ATP2C1: variants seen among roughly 807,000 people sequenced by gnomAD.
The protein encoded by ATP2C1 is ATPase secretory pathway Ca2+ transporting 1, also known as calcium-transporting ATPase type 2C member 1.
Under a neutral mutation model 120.5 loss-of-function variants are expected in ATP2C1, and 31 were observed. That is an observed-to-expected ratio of 0.26 (90% CI 0.19 to 0.35). The LOEUF (loss-of-function observed/expected upper bound fraction) is 0.35. Among genes scored for constraint, ATP2C1 ranks in the 10% least tolerant of loss-of-function variants. The pLI, the probability that ATP2C1 is intolerant of heterozygous loss-of-function variation, is 1.00. For synonymous variants in ATP2C1, 351 were observed against 358.7 expected, an observed-to-expected ratio of 0.98 and a Z score of 0.24; for missense variants, 731 against 1,107.5, an observed-to-expected ratio of 0.66 and a Z score of 4.83.
rs2062482708 is a variant in ATP2C1, at chr3:130,994,069, C to T, written c.2028C>T (p.Ile676=). 1 of 1,614,070 alleles carries T rather than the reference C, an allele frequency of 6.2e-7. No homozygotes were observed. Among genetic ancestry groups the T allele is most frequent in the Middle Eastern group, 1.7e-4 (1 of 6,058 alleles). The change falls in exon 22 of 28, where the codon ATC becomes ATT. Residue 676 remains isoleucine (I), a synonymous_variant. Transcript: ENST00000510168. ...TDVCKEAADM[I]LVDDDFQTIM... ...TTTGCAAAGAGGCAGCAGACATGAT[C>T]CTAGTGGATGATGATTTTCAAACCA...
chr3:130,971,279 C>T (rs2061304489), intron 17 of ATP2C1, among the ~76,000 whole-genome samples: 1 of 152,100 alleles, frequency 6.6e-6, no homozygotes, highest in Non-Finnish European at 1.5e-5. Context: ...AAGATTAAAT[C>T]TTCTTAGTTG....
At chr3:130,984,370 T>C (rs2061902463) in intron 20 of ATP2C1, among the ~76,000 whole-genome samples, 2 of 152,336 alleles carry the variant, frequency 1.3e-5, no homozygotes, top group East Asian at 3.9e-4. Flanking sequence ...ATTGGACTAA[T>C]GTTCAACACA....
intron 18 of ATP2C1, among the ~76,000 whole-genome samples, chr3:130,976,620 G>A (rs1431562207): frequency 6.6e-6 from 1 of 152,092 alleles, no homozygotes; most frequent in Non-Finnish European, 1.5e-5. Flanking sequence ...TTTAATGTAA[G>A]AGGCTTTGAT....
At chr3:130,943,372 G>A (rs189067093) in intron 8 of ATP2C1, among the ~76,000 whole-genome samples, 4 of 152,064 alleles carry the variant, frequency 2.6e-5, no homozygotes, top group Admixed American at 6.6e-5. Flanking sequence ...CTGCCACCAC[G>A]CCTGGCTAAT....
intron 22 of ATP2C1, among the ~76,000 whole-genome samples, chr3:130,994,852 C>T (rs2062529754): frequency 1.3e-5 from 2 of 152,062 alleles, no homozygotes. Flanking sequence ...ATATAGAAAT[C>T]TTAGAAGAAA....
At chr3:130,905,870 C>T (rs1040066289) in intron 2 of ATP2C1, among the ~76,000 whole-genome samples, 4 of 152,084 alleles carry the variant, frequency 2.6e-5, no homozygotes, top group African/African-American at 9.7e-5. Flanking sequence ...TTAGTTTCAG[C>T]TCTCATTTCT....
chr3:130,929,652 A>G (rs894113784), intron 2 of ATP2C1, among the ~76,000 whole-genome samples: 4 of 152,136 alleles, frequency 2.6e-5, no homozygotes, highest in African/African-American at 9.7e-5. Context: ...CACTCAAAGC[A>G]TTTTGTCTGT....
chr3:130,929,777 G>C (rs1299413985), intron 2 of ATP2C1: 1 of 158,252 alleles, frequency 6.3e-6, no homozygotes, highest in Non-Finnish European at 1.4e-5. Context: ...CATCAAGTAC[G>C]TACCTTGATT....
chr3:130,891,803 ATGTT>A (rs2069178668), upstream of ATP2C1, among the ~76,000 whole-genome samples: 1 of 152,186 alleles, frequency 6.6e-6, no homozygotes, highest in South Asian at 2.1e-4. Context: ...ATATGTGTAT[ATGTT>A]TGTCTATACA....
chr3:130,883,859 G>A (rs1416239541), intron 1 of ATP2C1, among the ~76,000 whole-genome samples: 1 of 149,058 alleles, frequency 6.7e-6, no homozygotes, highest in African/African-American at 2.5e-5. Flanking sequence ...GTTTTGGTAT[G>A]TTGTGTTTCC....
At chr3:130,901,899 G>A (rs1382725118) in intron 2 of ATP2C1, among the ~76,000 whole-genome samples, 2 of 151,934 alleles carry the variant, frequency 1.3e-5, no homozygotes, top group Non-Finnish European at 2.9e-5. Flanking sequence ...GAGAAATGCT[G>A]GGTTGTCACA....
At chr3:130,908,039 A>G (rs2058219999) in intron 2 of ATP2C1, among the ~76,000 whole-genome samples, 1 of 152,012 alleles carries the variant, frequency 6.6e-6, no homozygotes, top group Non-Finnish European at 1.5e-5. Context: ...CAAAATTATA[A>G]TTTTTCACTT....
intron 26 of ATP2C1, among the ~76,000 whole-genome samples, chr3:131,012,793 A>C (rs2063379776): frequency 6.6e-6 from 1 of 152,196 alleles, no homozygotes; most frequent in African/African-American, 2.4e-5. Context: ...AGTAATTGTT[A>C]GGGTTGAATA....
chr3:130,995,596 G>A (rs1160202971), intron 22 of ATP2C1, among the ~76,000 whole-genome samples: 1 of 152,086 alleles, frequency 6.6e-6, no homozygotes, highest in Non-Finnish European at 1.5e-5. Flanking sequence ...TAAAATAAAT[G>A]TTTCCATATT....
Position 130,980,624 on chromosome 3 carries a change from C to T in ATP2C1, c.1784C>T (p.Ser595Leu), listed in dbSNP as rs1306864737. The T allele has an allele frequency of 6.2e-7, 1 of 1,613,248 alleles. No individual in the cohort carries two copies. Among genetic ancestry groups the T allele is most frequent in the Non-Finnish European group, 8.5e-7 (1 of 1,179,508 alleles). ...TATTCCAAAACTTCCCAGTCAGTCT[C>T]AGGAGAAGAAATAGATGCAATGGAT... ...GLYSKTSQSV[S>L]GEEIDAMDVQ... Residue 595 changes from serine (S) to leucine (L), a missense_variant, in exon 20 of 28, where the codon TCA (serine) becomes TTA (leucine). Transcript: ENST00000510168.
At chr3:130,938,636 T>C (rs1279752676) in intron 6 of ATP2C1, among the ~76,000 whole-genome samples, 1 of 152,198 alleles carries the variant, frequency 6.6e-6, no homozygotes, top group Non-Finnish European at 1.5e-5. Flanking sequence ...CTTAGACAAA[T>C]GTTGCCCATG....
At chr3:130,934,405 T>G (rs911570257) in intron 4 of ATP2C1, among the ~76,000 whole-genome samples, 2 of 149,530 alleles carry the variant, frequency 1.3e-5, no homozygotes, top group African/African-American at 4.8e-5. Flanking sequence ...TATTGCTATT[T>G]AATTTTTTTT....
At chr3:130,938,426 A>G (rs964199720) in intron 6 of ATP2C1, among the ~76,000 whole-genome samples, 2 of 152,206 alleles carry the variant, frequency 1.3e-5, no homozygotes, top group African/African-American at 4.8e-5. Flanking sequence ...TTGAATAACT[A>G]TGGTTGTTCT....
At chr3:130,978,968 T>A (rs2061641112) in intron 18 of ATP2C1, among the ~76,000 whole-genome samples, 1 of 152,206 alleles carries the variant, frequency 6.6e-6, no homozygotes. Context: ...CTGCATGTGA[T>A]TACTATGTGA....
Sources: allele counts gnomAD v4.1 joint callset (sites outside exome capture counted in the v4.1 genomes callset), GRCh38; gene constraint gnomAD v4.1.1; transcripts MANE v1.5; gene names NCBI Gene and HGNC (gene_info 2026-07-23, HGNC 2026-07-21).